Variants in GRAMD1C observed in about 807,000 individuals in gnomAD.
GRAMD1C encodes GRAM domain containing 1C.
GRAMD1C carries 89 observed loss-of-function variants against 97.8 expected under a neutral mutation model. That is an observed-to-expected ratio of 0.91 (90% CI 0.77 to 1.09). The LOEUF (loss-of-function observed/expected upper bound fraction) is 1.09. Among genes scored for constraint, GRAMD1C ranks in the 50% least tolerant of loss-of-function variants. The pLI, the probability that GRAMD1C is intolerant of heterozygous loss-of-function variation, is 0.00. For synonymous variants in GRAMD1C, 256 were observed against 267.0 expected, an observed-to-expected ratio of 0.96 and a Z score of 0.40; for missense variants, 740 against 766.4, an observed-to-expected ratio of 0.97 and a Z score of 0.41.
intron 6 of GRAMD1C, chr3:113,885,394 C>T (rs1935434323): frequency 1.9e-6 from 3 of 1,580,326 alleles, no homozygotes; most frequent in Non-Finnish European, 1.7e-6. Context: ...GGGGCAGATC[C>T]GCACGGTAAT....
chr3:113,849,640 G>T (rs111673931), intron 2 of GRAMD1C, among the ~76,000 whole-genome samples: 1,957 of 152,210 alleles, frequency 0.013, 30 homozygotes, highest in African/African-American at 0.033. Context: ...GGATCCCAAG[G>T]CAGAAGAATT....
intron 2 of GRAMD1C, among the ~76,000 whole-genome samples, chr3:113,854,027 A>G (rs1370032061): frequency 6.6e-6 from 1 of 152,146 alleles, no homozygotes; most frequent in Non-Finnish European, 1.5e-5. Flanking sequence ...AACAAGAAAG[A>G]TCAGGGATAA....
rs200917151 is a variant in GRAMD1C at position 113,858,393 on chromosome 3, C to CGTTT, written c.175-11114_175-11113insGTTT. Among the ~76,000 whole-genome samples, 89 of 76,574 alleles carry CGTTT rather than the reference C, an allele frequency of 1.2e-3. 17 individuals carry two copies. The highest frequency in any genetic ancestry group is 1.3e-3 in the Admixed American group (10 of 7,684). The allele number at this position is 76,574 out of a possible 152,430, so 50.2% of individuals were successfully genotyped here. A position where few individuals can be genotyped will look rare whatever the true frequency, so the allele number is the denominator to read the frequency against. ...GATTACAGGCATGTAATCCCAGCTA[C>CGTTT]ATTTTTTTTTTTTTTTTTTTGAGAC... On this transcript the variant is annotated intron_variant, in intron 2 of 17. Coordinates refer to ENST00000358160, the MANE Select transcript of GRAMD1C (RefSeq NM_017577.5).
At chr3:113,865,424 C>T (rs1156770575) in intron 2 of GRAMD1C, among the ~76,000 whole-genome samples, 3 of 152,106 alleles carry the variant, frequency 2.0e-5, no homozygotes, top group African/African-American at 7.2e-5. Context: ...ATCACTGAGA[C>T]CGTTCAGACC....
intron 10 of GRAMD1C, among the ~76,000 whole-genome samples, chr3:113,927,053 C>T (rs1341384143): frequency 6.6e-6 from 1 of 151,686 alleles, no homozygotes; most frequent in Non-Finnish European, 1.5e-5. Flanking sequence ...GGGGCAGGGG[C>T]GCTGGTGGGA....
upstream of GRAMD1C, among the ~76,000 whole-genome samples, chr3:113,837,010 G>A (rs1709641293): frequency 6.6e-6 from 1 of 152,084 alleles, no homozygotes; most frequent in Admixed American, 6.5e-5. Flanking sequence ...TAATTATCCT[G>A]TAACATCAAC....
chr3:113,891,018 C>T (rs1013007223), intron 6 of GRAMD1C: 1 of 405,808 alleles, frequency 2.5e-6, no homozygotes, highest in African/African-American at 2.0e-5. Flanking sequence ...GATGTATACA[C>T]ACGGAGGTAT....
At chr3:113,908,682 G>A (rs1430041074) in intron 8 of GRAMD1C, among the ~76,000 whole-genome samples, 2 of 152,086 alleles carry the variant, frequency 1.3e-5, no homozygotes, top group Non-Finnish European at 2.9e-5. Flanking sequence ...TTCTCCATAA[G>A]TGATTTACAT....
chr3:113,893,127 A>ATG (rs778144418), intron 6 of GRAMD1C, among the ~76,000 whole-genome samples: 42 of 152,302 alleles, frequency 2.8e-4, no homozygotes, highest in Middle Eastern at 6.8e-3. Context: ...CAGAGACCAT[A>ATG]TGGCCCAAAA....
At position 113,909,054 on chromosome 3, in the gene GRAMD1C, C is replaced by T. The variant is rs1482939386; in HGVS notation, c.886C>T (p.Leu296=). The change falls in exon 9 of 18, where the codon CTG becomes TTG. Residue 296 remains leucine (L), a synonymous_variant. Transcript: ENST00000358160. ...GTTAACTAGAGTGCCATCAAAGTCA[C>T]TGGACTTGAATAAAAATGAATATCT... ...KKLTRVPSKS[L]DLNKNEYLSL... 2 of 1,566,676 alleles carry T rather than the reference C, an allele frequency of 1.3e-6. No individual in the cohort carries two copies. Among genetic ancestry groups the T allele is most frequent in the South Asian group, 2.4e-5 (2 of 83,936 alleles).
intron 2 of GRAMD1C, among the ~76,000 whole-genome samples, chr3:113,855,722 GA>G (rs1206440440): frequency 4.0e-5 from 6 of 150,828 alleles, no homozygotes; most frequent in South Asian, 2.1e-4. Flanking sequence ...AAAAAAGAAA[GA>G]AAAAAATCAT....
At chr3:113,923,685 G>T (rs536696994) in intron 10 of GRAMD1C, among the ~76,000 whole-genome samples, 29 of 152,222 alleles carry the variant, frequency 1.9e-4, no homozygotes, top group African/African-American at 6.7e-4. Flanking sequence ...TTTTGTTGAG[G>T]ATTTTTGCAT....
At chr3:113,931,322 AG>A (rs1937409890) in intron 11 of GRAMD1C, among the ~76,000 whole-genome samples, 1 of 151,630 alleles carries the variant, frequency 6.6e-6, no homozygotes, top group African/African-American at 2.4e-5. Context: ...TGAGCTCCTG[AG>A]GGTCATTATA....
intron 17 of GRAMD1C, among the ~76,000 whole-genome samples, chr3:113,944,769 A>G (rs1937988389): frequency 6.6e-6 from 1 of 152,212 alleles, no homozygotes; most frequent in Admixed American, 6.5e-5. Context: ...ACACTGCCCA[A>G]CATGTGATAG....
intron 1 of GRAMD1C, among the ~76,000 whole-genome samples, chr3:113,830,416 C>A (rs1038330876): frequency 3.3e-5 from 5 of 152,150 alleles, no homozygotes; most frequent in African/African-American, 1.2e-4. Context: ...TCAGGCTGCT[C>A]TTTGTTAGAA....
At chr3:113,846,443 T>C (rs1166036657) in intron 2 of GRAMD1C, among the ~76,000 whole-genome samples, 1 of 152,166 alleles carries the variant, frequency 6.6e-6, no homozygotes, top group Non-Finnish European at 1.5e-5. Flanking sequence ...TGTTTTAGAT[T>C]GGGGAACCTT....
chr3:113,850,329 C>G lies in GRAMD1C; in HGVS notation c.174+5680C>G, dbSNP rs1472918650. 3 of 728,242 alleles carry G rather than the reference C, an allele frequency of 4.1e-6. No individual in the cohort carries two copies. In the Admixed American group the frequency reaches 5.3e-5, roughly 13 times the overall value. 45.1% of individuals were successfully genotyped at this position (728,242 alleles called of 1,614,324 possible). A position where few individuals can be genotyped will look rare whatever the true frequency, so the allele number is the denominator to read the frequency against. ...GCCCCAGCCTCGACTTTCTTGTTGG[C>G]ACCAGGGGGCACAAAACTCCGTCTG... On this transcript the variant is annotated intron_variant, in intron 2 of 17. Transcript: ENST00000358160.
At chr3:113,899,266 C>T (rs577966015) in intron 6 of GRAMD1C, among the ~76,000 whole-genome samples, 3 of 152,088 alleles carry the variant, frequency 2.0e-5, no homozygotes, top group African/African-American at 7.2e-5. Flanking sequence ...CCCATTTCTC[C>T]ATTTCCCCAT....
At chr3:113,927,905 G>A (rs1327865550) in intron 10 of GRAMD1C, among the ~76,000 whole-genome samples, 1 of 152,162 alleles carries the variant, frequency 6.6e-6, no homozygotes, top group Non-Finnish European at 1.5e-5. Context: ...GTGTCATTCC[G>A]TTCCAGGGTC....
Sources: gnomAD v4.1 joint callset for allele counts (sites outside exome capture counted in the v4.1 genomes callset) on GRCh38, gnomAD v4.1.1 for gene constraint, MANE v1.5 for transcripts, NCBI Gene and HGNC (gene_info 2026-07-23, HGNC 2026-07-21) for gene names.